HDAC9: variants seen among roughly 807,000 people sequenced by gnomAD.
HDAC9 encodes the protein histone deacetylase 9.
HDAC9 carries 41 observed loss-of-function variants against 139.4 expected under a neutral mutation model. That is an observed-to-expected ratio of 0.29 (90% CI 0.23 to 0.38). HDAC9 has a LOEUF of 0.38. Among genes scored for constraint, HDAC9 ranks in the 10% least tolerant of loss-of-function variants. HDAC9 has a pLI of 1.00. For missense variants in HDAC9, 1,147 were observed against 1,297.0 expected (o/e 0.88, Z 1.78); for synonymous variants, 517 against 476.2 (o/e 1.09, Z -1.12).
intron 2 of HDAC9, among the ~76,000 whole-genome samples, chr7:18,519,595 A>G (rs1804349352): frequency 6.6e-6 from 1 of 152,152 alleles, no homozygotes; most frequent in Admixed American, 6.5e-5. Flanking sequence ...AAATGACTAG[A>G]TAATGCTTAG....
At chr7:18,353,248 A>T (rs777155337) in intron 1 of HDAC9, among the ~76,000 whole-genome samples, 3 of 151,462 alleles carry the variant, frequency 2.0e-5, no homozygotes, top group Non-Finnish European at 4.4e-5. Flanking sequence ...TTGATGTCTC[A>T]GGAGTAAAGT....
At chr7:18,195,177 A>G (rs542026182) in intron 2 of HDAC9, among the ~76,000 whole-genome samples, 4 of 152,284 alleles carry the variant, frequency 2.6e-5, no homozygotes, top group African/African-American at 9.6e-5. Flanking sequence ...TTTGGACAAT[A>G]GACCTCTTTG....
chr7:18,316,930 A>G (rs1052638991), intron 1 of HDAC9, among the ~76,000 whole-genome samples: 2 of 151,762 alleles, frequency 1.3e-5, no homozygotes, highest in African/African-American at 4.8e-5. Context: ...TGTGTCTACT[A>G]AAAATACAAA....
chr7:18,137,114 T>C (rs1397552529), intron 1 of HDAC9, among the ~76,000 whole-genome samples: 2 of 146,946 alleles, frequency 1.4e-5, no homozygotes, highest in Non-Finnish European at 3.0e-5. Context: ...TTGTCTGTTA[T>C]TGGTGTATAG....
chr7:18,188,695 C>T (rs542914187), intron 2 of HDAC9, among the ~76,000 whole-genome samples: 5 of 152,278 alleles, frequency 3.3e-5, no homozygotes, highest in Non-Finnish European at 7.4e-5. Context: ...TATGAACAGA[C>T]GCTTCTCAAA....
At chr7:18,920,176 A>G (rs1257740552) in intron 22 of HDAC9, among the ~76,000 whole-genome samples, 2 of 152,018 alleles carry the variant, frequency 1.3e-5, no homozygotes, top group African/African-American at 4.8e-5. Flanking sequence ...ATTTCCTTGA[A>G]AAGTGGTTTG....
intron 1 of HDAC9, among the ~76,000 whole-genome samples, chr7:18,103,871 A>G (rs905488331): frequency 2.6e-5 from 4 of 152,158 alleles, no homozygotes; most frequent in Admixed American, 2.6e-4. Flanking sequence ...ATTCCTAAAA[A>G]CAAGTCTGAA....
At chr7:18,917,950 G>C (rs1803357735) in intron 22 of HDAC9, among the ~76,000 whole-genome samples, 1 of 152,034 alleles carries the variant, frequency 6.6e-6, no homozygotes, top group Admixed American at 6.6e-5. Context: ...TCATTGGGTA[G>C]TTTGAGATAG....
At chr7:18,667,514 G>A (rs1337797109) in intron 12 of HDAC9, 1 of 984,748 alleles carries the variant, frequency 1.0e-6, no homozygotes, top group Non-Finnish European at 1.2e-6. Flanking sequence ...ACCTTCAGGA[G>A]GACTATGTCC....
At chr7:18,204,413 C>A (rs1449387195) in intron 2 of HDAC9, among the ~76,000 whole-genome samples, 1 of 140,734 alleles carries the variant, frequency 7.1e-6, no homozygotes, top group Non-Finnish European at 1.5e-5. Context: ...CTTTGCATAT[C>A]TTTGTAAGTC....
At chr7:18,509,376 A>G (rs1586482624) in intron 2 of HDAC9, 2 of 985,464 alleles carry the variant, frequency 2.0e-6, no homozygotes, top group Admixed American at 6.1e-5. Context: ...TCTAGCCTCA[A>G]GAAGACTGAG....
chr7:18,202,817 G>A (rs1584610935), intron 2 of HDAC9, among the ~76,000 whole-genome samples: 2 of 152,166 alleles, frequency 1.3e-5, no homozygotes. Flanking sequence ...AGTTGTCACA[G>A]TACACCTGGA....
intron 22 of HDAC9, among the ~76,000 whole-genome samples, chr7:18,922,157 A>G (rs1159424175): frequency 6.6e-6 from 1 of 151,960 alleles, no homozygotes; most frequent in African/African-American, 2.4e-5. Flanking sequence ...GCAGCACACC[A>G]ACATGGCACA....
At chr7:18,109,855 C>T (rs943597176) in intron 1 of HDAC9, among the ~76,000 whole-genome samples, 1 of 152,152 alleles carries the variant, frequency 6.6e-6, no homozygotes, top group Non-Finnish European at 1.5e-5. Context: ...GTGATTCTCC[C>T]TCTAGGCATG....
At chr7:18,618,724 TTGTATATATATA>T (rs1426547676) in intron 6 of HDAC9, among the ~76,000 whole-genome samples, 2 of 55,712 alleles carry the variant, frequency 3.6e-5, no homozygotes, top group African/African-American at 1.3e-4. Flanking sequence ...GTACAGAATT[TTGTATATATATA>T]TATATATATA....
intron 1 of HDAC9, among the ~76,000 whole-genome samples, chr7:18,338,744 G>C (rs1781773205): frequency 6.6e-6 from 1 of 151,416 alleles, no homozygotes; most frequent in South Asian, 2.1e-4. Flanking sequence ...GTGTCCCTCA[G>C]ATTTTGGTAT....
chr7:18,977,291 T>C (rs1284771314), intron 25 of HDAC9, among the ~76,000 whole-genome samples: 1 of 152,160 alleles, frequency 6.6e-6, no homozygotes, highest in Admixed American at 6.5e-5. Context: ...CCAAAAACAG[T>C]TAGTTGTCTG....
chr7:18,617,042 A>G (rs1455826729), intron 6 of HDAC9, among the ~76,000 whole-genome samples: 1 of 152,198 alleles, frequency 6.6e-6, no homozygotes, highest in African/African-American at 2.4e-5. Flanking sequence ...GAACCACACC[A>G]GGTGCCTAGT....
At chr7:18,453,455 G>A (rs1284742337) in intron 1 of HDAC9, among the ~76,000 whole-genome samples, 4 of 152,110 alleles carry the variant, frequency 2.6e-5, no homozygotes, top group Non-Finnish European at 4.4e-5. Context: ...TTCCTTGGAT[G>A]TTAAATTCAC....
Sources: gnomAD v4.1 joint callset for allele counts (sites outside exome capture counted in the v4.1 genomes callset) on GRCh38, gnomAD v4.1.1 for gene constraint, MANE v1.5 for transcripts, NCBI Gene and HGNC (gene_info 2026-07-23, HGNC 2026-07-21) for gene names.